UBE2U: variants seen among roughly 807,000 people sequenced by gnomAD.
The protein encoded by UBE2U is ubiquitin conjugating enzyme E2 U, also known as ubiquitin-conjugating enzyme E2 U.
In UBE2U, 39 loss-of-function variants were observed where a neutral mutation model predicts 41.2. That is an observed-to-expected ratio of 0.95 (90% CI 0.73 to 1.24). The LOEUF (loss-of-function observed/expected upper bound fraction) is 1.24. Ranked by LOEUF, UBE2U falls within the 50% of genes most tolerant of loss-of-function variation. UBE2U has a pLI of 0.00. For missense variants in UBE2U, 336 were observed against 363.1 expected, an observed-to-expected ratio of 0.93 and a Z score of 0.61; for synonymous variants, 107 against 117.8, an observed-to-expected ratio of 0.91 and a Z score of 0.60.
At position 64,236,671 on chromosome 1, in the gene UBE2U, T is replaced by A. The variant is rs916319904; in HGVS notation, c.595+4022T>A. Among the ~76,000 whole-genome samples the A allele has an allele frequency of 2.0e-5, 3 of 152,298 alleles. No homozygotes were observed. In the East Asian group the frequency reaches 5.8e-4, roughly 29 times the overall value. ...ATACTGAGCCTAGGCTTCCTGATGT[T>A]TGTTTGCTGTCATCAAGACAGACCA... On this transcript the variant is annotated intron_variant, in intron 7 of 9. Transcript: ENST00000371077.
chr1:64,259,661 TTTC>T (rs1362077421), intron 8 of UBE2U, among the ~76,000 whole-genome samples: 2 of 152,104 alleles, frequency 1.3e-5, no homozygotes, highest in Non-Finnish European at 2.9e-5. Flanking sequence ...TGCCAAAAGT[TTTC>T]TTTTCATTAT....
At chr1:64,224,704 C>T (rs575024234) in intron 6 of UBE2U, among the ~76,000 whole-genome samples, 2 of 145,834 alleles carry the variant, frequency 1.4e-5, no homozygotes, top group East Asian at 4.0e-4. Context: ...GCCTGGGCAA[C>T]AGAGCGAGAC....
chr1:64,208,775 T>A (rs1415202890), intron 3 of UBE2U, among the ~76,000 whole-genome samples: 1 of 152,144 alleles, frequency 6.6e-6, no homozygotes, highest in African/African-American at 2.4e-5. Context: ...ACGAGGAAGG[T>A]CTACGAACCT....
intron 7 of UBE2U, among the ~76,000 whole-genome samples, chr1:64,236,405 A>G (rs1427689218): frequency 6.6e-6 from 1 of 152,196 alleles, no homozygotes; most frequent in South Asian, 2.1e-4. Flanking sequence ...AAGTACATGC[A>G]GCATATTTGT....
chr1:64,220,275 CAA>C lies in UBE2U; in HGVS notation c.458-583_458-582del, dbSNP rs1652349316. On this transcript the variant is annotated intron_variant, in intron 5 of 9. Coordinates refer to ENST00000371077, the MANE Select transcript of UBE2U (RefSeq NM_001366232.2). ...GAGAGAGAGAGAGAGCAAGTGCAAG[CAA>C]GAGAGAGAGAGAGCACTGCTAATAC... 4.0e-5 allele frequency among the ~76,000 whole-genome samples: 6 copies of C among 151,578 alleles called. No individual in the cohort carries two copies. In the South Asian group the frequency reaches 8.3e-4, roughly 21 times the overall value.
At chr1:64,243,979 AGTG>A in intron 8 of UBE2U, 1 of 473,306 alleles carries the variant, frequency 2.1e-6, no homozygotes. Context: ...GGCAGTAATA[AGTG>A]TACCTACCTC....
chr1:64,231,528 A>G (rs1644565460), intron 6 of UBE2U, among the ~76,000 whole-genome samples: 1 of 152,254 alleles, frequency 6.6e-6, no homozygotes, highest in Non-Finnish European at 1.5e-5. Context: ...ATCTTCCTCA[A>G]GTTTCAAATT....
intron 9 of UBE2U, among the ~76,000 whole-genome samples, chr1:64,261,541 C>A (rs761578552): frequency 1.3e-5 from 2 of 152,194 alleles, no homozygotes; most frequent in Non-Finnish European, 2.9e-5. Flanking sequence ...GCCCTGCCCC[C>A]GTATCTCCAA....
chr1:64,248,639 T>C (rs1382267948), intron 8 of UBE2U, among the ~76,000 whole-genome samples: 1 of 152,046 alleles, frequency 6.6e-6, no homozygotes, highest in Non-Finnish European at 1.5e-5. Context: ...TTAGTGACAT[T>C]AAAAATTTTT....
In UBE2U at chr1:64,237,133, T is replaced by C. The variant is rs115764497; in HGVS notation, c.595+4484T>C. 5.4e-3 allele frequency among the ~76,000 whole-genome samples: 829 copies of C among 152,262 alleles called. 4 individuals are homozygous for C. Among genetic ancestry groups the C allele is most frequent in the Non-Finnish European group, 8.4e-3 (573 of 68,016 alleles). On this transcript the variant is annotated intron_variant, in intron 7 of 9. Coordinates refer to ENST00000371077, the MANE Select transcript of UBE2U (RefSeq NM_001366232.2). ...GTACTTTGGTTTTCATTTCTATTGATTGACAAAAATATTCTATCCTCCTTT... is the reference window on the plus strand; with the variant it reads ...GTACTTTGGTTTTCATTTCTATTGACTGACAAAAATATTCTATCCTCCTTT...
chr1:64,227,807 C>CA lies in UBE2U; in HGVS notation c.507-4743dup, dbSNP rs1029201032. Among the ~76,000 whole-genome samples the CA allele has an allele frequency of 5.0e-3, 701 of 139,902 alleles. 2 individuals carry two copies. Among genetic ancestry groups the CA allele is most frequent in the Middle Eastern group, 0.015 (4 of 270 alleles). 91.8% of individuals were successfully genotyped at this position (139,902 alleles called of 152,430 possible). ...GCAACAAGAACAAAACTTCATCTCA[C>CA]AAAAAAAAAAATGATAATAAAATAC... On this transcript the variant is annotated intron_variant, in intron 6 of 9. Transcript: ENST00000371077.
chr1:64,250,416 A>G (rs1644987368), intron 8 of UBE2U, among the ~76,000 whole-genome samples: 1 of 152,170 alleles, frequency 6.6e-6, no homozygotes, highest in African/African-American at 2.4e-5. Flanking sequence ...GGAAAACATG[A>G]ATATACACAA....
At chr1:64,227,519 C>T (rs527283968) in intron 6 of UBE2U, among the ~76,000 whole-genome samples, 8 of 152,284 alleles carry the variant, frequency 5.3e-5, no homozygotes, top group East Asian at 1.9e-4. Flanking sequence ...ATACCACTTA[C>T]GGCCAGGCGC....
At chr1:64,233,244 T>C (rs1051212478) in intron 7 of UBE2U, among the ~76,000 whole-genome samples, 3 of 152,076 alleles carry the variant, frequency 2.0e-5, no homozygotes, top group African/African-American at 4.8e-5. Flanking sequence ...CCTGACCTCG[T>C]GATCCGCCTG....
At chr1:64,217,353 G>C (rs1652099363) in intron 5 of UBE2U, among the ~76,000 whole-genome samples, 1 of 152,156 alleles carries the variant, frequency 6.6e-6, no homozygotes, top group African/African-American at 2.4e-5. Context: ...AAACTCAGAG[G>C]AGGAAGGTCT....
At chr1:64,255,288 A>G (rs1191372577) in intron 8 of UBE2U, among the ~76,000 whole-genome samples, 2 of 151,016 alleles carry the variant, frequency 1.3e-5, no homozygotes, top group Admixed American at 1.3e-4. Flanking sequence ...CCTACCAACC[A>G]AAAAAAAAGC....
At chr1:64,228,855 A>AT (rs56873849) in intron 6 of UBE2U, among the ~76,000 whole-genome samples, 20,300 of 93,684 alleles carry the variant, frequency 0.22, 2,310 homozygotes, top group South Asian at 0.35. Context: ...TGCCCAGGTA[A>AT]TTTTTTTTTT....
intron 8 of UBE2U, chr1:64,244,185 A>G (rs1401087189): frequency 1.2e-6 from 2 of 1,602,690 alleles, no homozygotes; most frequent in East Asian, 2.2e-5. Context: ...TTCAGAGTCA[A>G]ACAGATGTTG....
Position 64,267,009 on chromosome 1 carries a change from T to A in UBE2U, c.770-15T>A. 1.3e-6 allele frequency: 2 copies of A among 1,537,594 alleles called. No homozygotes were observed. Among genetic ancestry groups the A allele is most frequent in the Non-Finnish European group, 1.8e-6 (2 of 1,142,850 alleles). On this transcript the variant is annotated splice_polypyrimidine_tract_variant and intron_variant, in intron 9 of 9. Coordinates refer to ENST00000371077, the MANE Select transcript of UBE2U (RefSeq NM_001366232.2). ...ATGTCTATTAAATTTCTATTTTTTA[T>A]AATTCCCACCACAGATGAAATTTTT... is the stretch of plus-strand genomic sequence containing the variant.
Sources: allele counts gnomAD v4.1 joint callset (sites outside exome capture counted in the v4.1 genomes callset), GRCh38; gene constraint gnomAD v4.1.1; transcripts MANE v1.5; gene names NCBI Gene and HGNC (gene_info 2026-07-23, HGNC 2026-07-21).